The following ATG7 variants were observed in gnomAD, a reference collection of about 807,000 sequenced individuals.
The protein encoded by ATG7 is ubiquitin-like modifier-activating enzyme ATG7.
In ATG7, 70 loss-of-function variants were observed where a neutral mutation model predicts 82.4. That is an observed-to-expected ratio of 0.85 (90% CI 0.70 to 1.04). The LOEUF is 1.04. ATG7 is among the 50% of genes least tolerant of loss of function. ATG7 has a pLI of 0.00. For missense variants in ATG7, 792 were observed against 864.3 expected (o/e 0.92, Z 1.05); for synonymous variants, 287 against 313.0 (o/e 0.92, Z 0.88).
intron 11 of ATG7, among the ~76,000 whole-genome samples, chr3:11,336,936 G>A (rs781272457): frequency 1.3e-5 from 2 of 152,120 alleles, no homozygotes; most frequent in East Asian, 3.9e-4. Flanking sequence ...GCCACCCAAA[G>A]TGCTGGGACT....
intron 19 of ATG7, among the ~76,000 whole-genome samples, chr3:11,417,911 C>T (rs1256436384): frequency 3.3e-5 from 5 of 150,400 alleles, no homozygotes; most frequent in African/African-American, 4.9e-5. Flanking sequence ...TCTGGGTTCA[C>T]GCCATTCTGC....
chr3:11,515,049 C>G (rs1364190276), intron 20 of ATG7, among the ~76,000 whole-genome samples: 1 of 151,990 alleles, frequency 6.6e-6, no homozygotes, highest in Non-Finnish European at 1.5e-5. Flanking sequence ...CCATGTTGGT[C>G]AGGCTAGTCT....
chr3:11,514,327 T>A (rs140073666), intron 20 of ATG7, among the ~76,000 whole-genome samples: 233 of 152,312 alleles, frequency 1.5e-3, no homozygotes, highest in African/African-American at 4.8e-3. Flanking sequence ...GAAGCATAAT[T>A]AACTTTGAAG....
chr3:11,407,162 T>A (rs1438115169), intron 19 of ATG7, among the ~76,000 whole-genome samples: 1 of 152,144 alleles, frequency 6.6e-6, no homozygotes, highest in Admixed American at 6.5e-5. Context: ...CATTCCAAAT[T>A]GGAGAAATTG....
At chr3:11,353,770 C>T (rs1430900642) in intron 14 of ATG7, among the ~76,000 whole-genome samples, 1 of 152,214 alleles carries the variant, frequency 6.6e-6, no homozygotes, top group African/African-American at 2.4e-5. Context: ...GGAAGCTTCC[C>T]TCATCAGAAG....
intron 20 of ATG7, among the ~76,000 whole-genome samples, chr3:11,553,171 C>T (rs1405919823): frequency 1.3e-5 from 2 of 152,314 alleles, no homozygotes; most frequent in African/African-American, 4.8e-5. Context: ...CAGCCCGCCC[C>T]GCCCTTTTCC....
At chr3:11,515,467 C>G (rs2092248143) in intron 20 of ATG7, among the ~76,000 whole-genome samples, 1 of 152,152 alleles carries the variant, frequency 6.6e-6, no homozygotes, top group African/African-American at 2.4e-5. Context: ...CCACGCCCAG[C>G]AAATTTTTGT....
At chr3:11,501,959 G>C (rs1454058062) in intron 20 of ATG7, among the ~76,000 whole-genome samples, 5 of 152,120 alleles carry the variant, frequency 3.3e-5, no homozygotes, top group Non-Finnish European at 7.4e-5. Flanking sequence ...AAAGTGCTGG[G>C]ATTACAGGCG....
In ATG7 at chr3:11,385,258, G is replaced by C. The variant is rs915008821; in HGVS notation, c.1956+5206G>C. Among the ~76,000 whole-genome samples, 6 of 152,264 alleles carry C rather than the reference G, an allele frequency of 3.9e-5. No individual in the cohort carries two copies. The East Asian group carries it at 1.2e-3, about 29-fold the overall frequency. On this transcript the variant is annotated intron_variant, in intron 19 of 20. Coordinates refer to ENST00000693202, the MANE Select transcript of ATG7 (RefSeq NM_001349232.2). The stretch of plus-strand genomic sequence containing the variant: ...TTGGCCAGGTTGGTCTCAATCTCTT[G>C]ACCTTGTAATCTGCCCACCTCGACC...
intron 5 of ATG7, among the ~76,000 whole-genome samples, chr3:11,304,277 G>A (rs1223700606): frequency 2.6e-5 from 4 of 152,206 alleles, no homozygotes; most frequent in Non-Finnish European, 5.9e-5. Flanking sequence ...ACCCAACACA[G>A]ATCTGGGGTG....
At chr3:11,435,916 A>C (rs746342790) in intron 20 of ATG7, among the ~76,000 whole-genome samples, 40 of 152,154 alleles carry the variant, frequency 2.6e-4, no homozygotes, top group Non-Finnish European at 5.4e-4. Flanking sequence ...ATCATACCTG[A>C]TAAGGGTGTG....
intron 20 of ATG7, among the ~76,000 whole-genome samples, chr3:11,531,897 A>G (rs753177424): frequency 1.3e-5 from 2 of 151,454 alleles, no homozygotes; most frequent in African/African-American, 2.4e-5. Context: ...AAGTCTAATA[A>G]CAGAGCAGCT....
At chr3:11,380,808 A>G (rs1244896501) in intron 19 of ATG7, among the ~76,000 whole-genome samples, 1 of 152,196 alleles carries the variant, frequency 6.6e-6, no homozygotes, top group Non-Finnish European at 1.5e-5. Flanking sequence ...GTTGGTGACC[A>G]CTAATCCCCA....
chr3:11,562,271 T>C (rs552894607), downstream of ATG7, among the ~76,000 whole-genome samples: 1 of 152,298 alleles, frequency 6.6e-6, no homozygotes, highest in Non-Finnish European at 1.5e-5. Context: ...TTGGTGTTTG[T>C]CTGTCCTGAG....
chr3:11,557,498 C>A lies in ATG7; in HGVS notation c.*2655C>A, dbSNP rs904499587. 2 of 152,542 alleles carry A rather than the reference C, an allele frequency of 1.3e-5. No homozygotes were observed. Among genetic ancestry groups the A allele is most frequent in the African/African-American group, 4.8e-5 (2 of 41,444 alleles). The allele number at this position is 152,542 out of a possible 1,614,324, so 9.4% of individuals were successfully genotyped here. A position where few individuals can be genotyped will look rare whatever the true frequency, so the allele number is the denominator to read the frequency against. On this transcript the variant is annotated 3_prime_UTR_variant, in exon 21 of 21. Coordinates refer to ENST00000693202, the MANE Select transcript of ATG7 (RefSeq NM_001349232.2). ...CAGCCTGCAGCCAAACTCCAGCATC[C>A]CACACCGCAGCTGACCCACTGCTCA...
At chr3:11,526,248 G>A (rs758097941) in intron 20 of ATG7, among the ~76,000 whole-genome samples, 7 of 151,890 alleles carry the variant, frequency 4.6e-5, no homozygotes, top group Admixed American at 1.3e-4. Flanking sequence ...AAAATTAGCC[G>A]GGCCTAGTGG....
chr3:11,417,800 A>ATTTTTTTTTTTTTTTT (rs1314378737), intron 19 of ATG7, among the ~76,000 whole-genome samples: 11 of 109,360 alleles, frequency 1.0e-4, no homozygotes, highest in Non-Finnish European at 1.5e-4. Flanking sequence ...TATTATTATT[A>ATTTTTTTTTTTTTTTT]TTTTATTTTA....
chr3:11,481,448 G>A (rs1559714447), intron 20 of ATG7, among the ~76,000 whole-genome samples: 1 of 152,156 alleles, frequency 6.6e-6, no homozygotes, highest in Non-Finnish European at 1.5e-5. Context: ...AAGTGTATGT[G>A]ACTTACCACA....
chr3:11,363,612 A>T (rs977471124), intron 17 of ATG7, among the ~76,000 whole-genome samples: 4 of 152,178 alleles, frequency 2.6e-5, no homozygotes, highest in African/African-American at 9.7e-5. Context: ...CGCAGTTTTG[A>T]TGGGGAAATC....
Sources: gnomAD v4.1 joint callset for allele counts (sites outside exome capture counted in the v4.1 genomes callset) on GRCh38, gnomAD v4.1.1 for gene constraint, MANE v1.5 for transcripts, NCBI Gene and HGNC (gene_info 2026-07-23, HGNC 2026-07-21) for gene names.